Variants in RPH3AL observed in about 807,000 individuals in gnomAD.
RPH3AL encodes rab effector Noc2.
A neutral mutation model predicts 43.1 loss-of-function variants in RPH3AL; 38 were observed. That is an observed-to-expected ratio of 0.88 (90% CI 0.68 to 1.15). The LOEUF is 1.15. Among genes scored for constraint, RPH3AL ranks in the 50% most tolerant of loss-of-function variants. RPH3AL has a pLI of 0.00. For synonymous variants in RPH3AL, 189 were observed against 176.3 expected (o/e 1.07, Z -0.57); for missense variants, 462 against 423.2 (o/e 1.09, Z -0.81).
At chr17:226,578 G>A (rs555542872) in intron 7 of RPH3AL, among the ~76,000 whole-genome samples, 1 of 152,216 alleles carries the variant, frequency 6.6e-6, no homozygotes, top group Admixed American at 6.5e-5. Flanking sequence ...TGGCAGGGCG[G>A]AAGGGCCACA....
chr17:316,416 G>A (rs2044191054), intron 5 of RPH3AL, among the ~76,000 whole-genome samples: 2 of 124,658 alleles, frequency 1.6e-5, no homozygotes, highest in Admixed American at 8.0e-5. Flanking sequence ...TAGTCCCTGT[G>A]ACCCCACCTC....
intron 1 of RPH3AL, among the ~76,000 whole-genome samples, chr17:350,472 A>G (rs1044433226): frequency 2.0e-5 from 3 of 151,982 alleles, no homozygotes; most frequent in South Asian, 2.1e-4. Context: ...TTAGCTGGGC[A>G]TGGTGGTGCA....
intron 8 of RPH3AL, among the ~76,000 whole-genome samples, chr17:216,637 G>A (rs1035786248): frequency 1.3e-5 from 2 of 152,118 alleles, no homozygotes; most frequent in Non-Finnish European, 1.5e-5. Context: ...CCTGGAAACC[G>A]AGGCTGGCAG....
intron 5 of RPH3AL, among the ~76,000 whole-genome samples, chr17:314,723 C>CCTTTAGTCCCTGTGACTCCACCTCCTT (rs2043843346): frequency 4.7e-5 from 2 of 42,376 alleles, no homozygotes; most frequent in Non-Finnish European, 4.5e-5. Context: ...TCCACCTCCA[C>CCTTTAGTCCCTGTGACTCCACCTCCTT]TGACCTGTAG....
intron 6 of RPH3AL, among the ~76,000 whole-genome samples, chr17:272,944 CCCCAGCAAGGG>C (rs1567604205): frequency 9.3e-5 from 4 of 43,184 alleles, no homozygotes; most frequent in Non-Finnish European, 2.1e-4. Flanking sequence ...CAGGGAGAGA[CCCCAGCAAGGG>C]CTACGTCAGG....
At chr17:280,971 T>C (rs988010498) in intron 6 of RPH3AL, among the ~76,000 whole-genome samples, 1 of 152,218 alleles carries the variant, frequency 6.6e-6, no homozygotes, top group African/African-American at 2.4e-5. Flanking sequence ...GAAGACCAGC[T>C]GCACGCCTCC....
intron 5 of RPH3AL, among the ~76,000 whole-genome samples, chr17:298,713 A>AC (rs60193967): frequency 0.067 from 320 of 4,770 alleles, 2 homozygotes; most frequent in African/African-American, 0.12. Context: ...TCAAAAAAAA[A>AC]AAAAAACTCC....
chr17:233,922 C>G (rs1459435956), intron 7 of RPH3AL, among the ~76,000 whole-genome samples: 6 of 114,540 alleles, frequency 5.2e-5, no homozygotes, highest in Admixed American at 8.8e-5. Context: ...CTTACCCTGA[C>G]CAACTTCCCT....
intron 6 of RPH3AL, among the ~76,000 whole-genome samples, chr17:276,378 T>C (rs1008777258): frequency 1.3e-5 from 2 of 152,198 alleles, no homozygotes; most frequent in African/African-American, 4.8e-5. Flanking sequence ...TTAGATCTTT[T>C]GTTTTATTTT....
intron 7 of RPH3AL, among the ~76,000 whole-genome samples, chr17:241,299 G>A (rs2041527882): frequency 6.6e-6 from 1 of 152,050 alleles, no homozygotes; most frequent in South Asian, 2.1e-4. Flanking sequence ...GGGAGGCTGA[G>A]GTAGGAGGAT....
intron 6 of RPH3AL, among the ~76,000 whole-genome samples, chr17:253,891 T>C (rs1158581924): frequency 2.2e-4 from 8 of 36,348 alleles, no homozygotes; most frequent in South Asian, 1.0e-3. Flanking sequence ...CTACCCTACG[T>C]ACTTCCTATG....
intron 3 of RPH3AL, among the ~76,000 whole-genome samples, chr17:326,176 C>T (rs1281232751): frequency 6.6e-6 from 1 of 152,248 alleles, no homozygotes; most frequent in Non-Finnish European, 1.5e-5. Context: ...TCACCCACTG[C>T]GGGGGCCGCA....
At chr17:237,074 C>T (rs753043802) in intron 7 of RPH3AL, among the ~76,000 whole-genome samples, 135 of 152,292 alleles carry the variant, frequency 8.9e-4, no homozygotes, top group Middle Eastern at 3.4e-3. Flanking sequence ...AGGGACTCAG[C>T]TCTTCCCGGA....
chr17:223,642 C>T (rs987676428), intron 7 of RPH3AL, among the ~76,000 whole-genome samples: 3 of 152,092 alleles, frequency 2.0e-5, no homozygotes, highest in South Asian at 4.2e-4. Flanking sequence ...AGAGACCGCA[C>T]TGAAGCTTAG....
At chr17:259,574 A>G (rs2042152450) in intron 6 of RPH3AL, among the ~76,000 whole-genome samples, 1 of 152,168 alleles carries the variant, frequency 6.6e-6, no homozygotes, top group African/African-American at 2.4e-5. Context: ...CAGATTGAAA[A>G]TCAGTTACTT....
chr17:306,023 T>TG (rs2043477758), intron 5 of RPH3AL, among the ~76,000 whole-genome samples: 1 of 41,070 alleles, frequency 2.4e-5, no homozygotes, highest in Non-Finnish European at 7.3e-5. Flanking sequence ...CATGCCCAGC[T>TG]ATTTTTTTTT....
intron 7 of RPH3AL, among the ~76,000 whole-genome samples, chr17:242,239 C>A (rs1307930834): frequency 6.6e-6 from 1 of 152,122 alleles, no homozygotes; most frequent in Non-Finnish European, 1.5e-5. Context: ...CTTGTAGTAT[C>A]TATTCATGAT....
At chr17:263,618 G>A (rs183918906) in intron 6 of RPH3AL, among the ~76,000 whole-genome samples, 16 of 152,312 alleles carry the variant, frequency 1.1e-4, no homozygotes, top group East Asian at 7.7e-4. Flanking sequence ...TTAAATCCTC[G>A]GTCTGCACGG....
At chr17:310,098 G>A (rs1268013313) in intron 5 of RPH3AL, among the ~76,000 whole-genome samples, 1 of 151,950 alleles carries the variant, frequency 6.6e-6, no homozygotes, top group Non-Finnish European at 1.5e-5. Context: ...CCCAGGCTCA[G>A]GCGGGCTCTG....
Sources: allele counts gnomAD v4.1 joint callset (sites outside exome capture counted in the v4.1 genomes callset), GRCh38; gene constraint gnomAD v4.1.1; transcripts MANE v1.5; gene names NCBI Gene and HGNC (gene_info 2026-07-23, HGNC 2026-07-21).